Variants in FAM193A observed in about 807,000 individuals in gnomAD.
FAM193A encodes the protein protein FAM193A.
In FAM193A, 22 loss-of-function variants were observed where a neutral mutation model predicts 126.5. The observed-to-expected ratio is 0.17, with a 90% CI of 0.12 to 0.25. The LOEUF is 0.25. Among genes scored for constraint, FAM193A ranks in the 10% least tolerant of loss-of-function variants. The pLI, the probability that FAM193A is intolerant of heterozygous loss-of-function variation, is 1.00. For synonymous variants in FAM193A, 761 were observed against 646.8 expected (o/e 1.18, Z -2.68); for missense variants, 1,675 against 1,672.8 (o/e 1.00, Z -0.02).
chr4:2,564,714 A>G (rs746792539), intron 1 of FAM193A, among the ~76,000 whole-genome samples: 5 of 152,194 alleles, frequency 3.3e-5, no homozygotes, highest in Non-Finnish European at 7.3e-5. Flanking sequence ...CATAGAATCA[A>G]TTCCAGGAGA....
chr4:2,624,306 G>C (rs1355672046), intron 2 of FAM193A, among the ~76,000 whole-genome samples: 1 of 152,072 alleles, frequency 6.6e-6, no homozygotes, highest in African/African-American at 2.4e-5. Context: ...CACCATGCCT[G>C]GCTAATTTTT....
intron 19 of FAM193A, among the ~76,000 whole-genome samples, chr4:2,710,066 C>T (rs1460202903): frequency 6.6e-6 from 1 of 150,552 alleles, no homozygotes; most frequent in African/African-American, 2.4e-5. Flanking sequence ...TGTATTTTTC[C>T]TTTCTCCCTA....
At chr4:2,680,451 C>G (rs181954611) in intron 13 of FAM193A, among the ~76,000 whole-genome samples, 3 of 152,042 alleles carry the variant, frequency 2.0e-5, no homozygotes, top group African/African-American at 7.2e-5. Context: ...CCCCCAATAG[C>G]TGGGATTACA....
chr4:2,617,786 A>G (rs1742301640), intron 2 of FAM193A, among the ~76,000 whole-genome samples: 1 of 152,106 alleles, frequency 6.6e-6, no homozygotes, highest in Non-Finnish European at 1.5e-5. Context: ...TACATGTATT[A>G]TACACCTCAG....
chr4:2,635,657 CAAAT>C lies in FAM193A; in HGVS notation c.1039-4075_1039-4072del, dbSNP rs545482551. 3.3e-5 allele frequency among the ~76,000 whole-genome samples: 5 copies of C among 152,308 alleles called. No homozygotes were observed. In the South Asian group the frequency reaches 1.0e-3, roughly 32 times the overall value. On this transcript the variant is annotated intron_variant, in intron 5 of 20. Coordinates refer to ENST00000637812, the MANE Select transcript of FAM193A (RefSeq NM_001366318.2). ...AAGCGATTCTCCTGCCCCAGCCTCC[CAAAT>C]AACTGGGATTACAGGTGCCTGCCAC... is the stretch of plus-strand genomic sequence containing the variant.
intron 14 of FAM193A, 66 bp from the exon 15 acceptor site, chr4:2,690,632 G>A (rs1165096677): frequency 1.9e-5 from 28 of 1,448,716 alleles, no homozygotes; most frequent in Non-Finnish European, 2.6e-5. Context: ...TCATCAGCAT[G>A]TCTTTTAGGG....
upstream of FAM193A, among the ~76,000 whole-genome samples, chr4:2,536,262 T>A (rs1021905076): frequency 2.0e-5 from 3 of 151,294 alleles, no homozygotes; most frequent in African/African-American, 4.9e-5. Flanking sequence ...CGCGGCCTCC[T>A]GCCGGCCTAG....
intron 4 of FAM193A, 102 bp from the exon 5 acceptor site, chr4:2,630,831 TAG>T: frequency 2.0e-5 from 13 of 649,202 alleles, no homozygotes; most frequent in Admixed American, 1.0e-4. Flanking sequence ...TGTGGTCATC[TAG>T]AGGTGGCCAC....
chr4:2,692,504 C>G (rs1434018833), intron 15 of FAM193A, among the ~76,000 whole-genome samples: 1 of 152,202 alleles, frequency 6.6e-6, no homozygotes, highest in Non-Finnish European at 1.5e-5. Context: ...ACCTAGCAGA[C>G]AGTGCCATGC....
At chr4:2,602,232 A>G (rs1475050426) in intron 2 of FAM193A, among the ~76,000 whole-genome samples, 2 of 151,870 alleles carry the variant, frequency 1.3e-5, no homozygotes, top group African/African-American at 4.8e-5. Context: ...AAAAATTTAG[A>G]GGCCCGAAAG....
intron 12 of FAM193A, among the ~76,000 whole-genome samples, chr4:2,665,770 TC>T (rs1713041531): frequency 1.3e-5 from 2 of 152,340 alleles, no homozygotes; most frequent in African/African-American, 4.8e-5. Context: ...CAAGCCATCC[TC>T]CCATTTCAGC....
intron 9 of FAM193A, 69 bp from the exon 10 acceptor site, chr4:2,659,743 G>T: frequency 5.0e-6 from 8 of 1,613,040 alleles, no homozygotes; most frequent in African/African-American, 1.3e-5. Context: ...GCCTAGAACC[G>T]ACCCTTAGAG....
chr4:2,659,030 C>T (rs112892949), intron 8 of FAM193A, among the ~76,000 whole-genome samples: 2 of 152,302 alleles, frequency 1.3e-5, no homozygotes, highest in African/African-American at 4.8e-5. Context: ...GGATTACAGG[C>T]GTGAGCCACC....
intron 18 of FAM193A, 27 bp from the exon 19 acceptor site, chr4:2,699,653 T>G: frequency 1.3e-6 from 2 of 1,571,616 alleles, no homozygotes; most frequent in Non-Finnish European, 1.7e-6. Context: ...ACTGTAGTCT[T>G]AAATTGCCTT....
At chr4:2,593,432 C>T (rs931890193) in intron 1 of FAM193A, among the ~76,000 whole-genome samples, 11 of 152,220 alleles carry the variant, frequency 7.2e-5, no homozygotes, top group Non-Finnish European at 1.3e-4. Context: ...GGGGTCTCCT[C>T]AAGGAGGCCC....
In FAM193A at chr4:2,703,341, G is replaced by A. The variant is rs1717950780; in HGVS notation, c.4372+2797G>A. Among the ~76,000 whole-genome samples the A allele has an allele frequency of 2.6e-5, 4 of 152,104 alleles. No individual in the cohort carries two copies. The South Asian group carries it at 6.2e-4, about 24-fold the overall frequency. ...GGCTCACTGCATCCTCCACCCCCCA[G>A]GTTGAAGCAATTCTCCCACCTCAGC... On this transcript the variant is annotated intron_variant, in intron 19 of 20. Coordinates refer to ENST00000637812, the MANE Select transcript of FAM193A (RefSeq NM_001366318.2).
chr4:2,721,090 G>T (rs1340069711), intron 20 of FAM193A, among the ~76,000 whole-genome samples: 1 of 152,056 alleles, frequency 6.6e-6, no homozygotes, highest in African/African-American at 2.4e-5. Context: ...GAGGCAGGTG[G>T]ATCACGAGGC....
intron 13 of FAM193A, among the ~76,000 whole-genome samples, chr4:2,681,709 C>T (rs147738006): frequency 6.6e-6 from 1 of 152,184 alleles, no homozygotes; most frequent in Non-Finnish European, 1.5e-5. Flanking sequence ...AGCAGTCCTC[C>T]TGCCTCAGCC....
intron 7 of FAM193A, among the ~76,000 whole-genome samples, chr4:2,655,436 T>TGC (rs145218383): frequency 0.06 from 9,148 of 152,010 alleles, 901 homozygotes; most frequent in African/African-American, 0.21. Context: ...TGTGTGTGTG[T>TGC]GCGTGTGCGC....
Sources: allele counts gnomAD v4.1 joint callset (sites outside exome capture counted in the v4.1 genomes callset), GRCh38; gene constraint gnomAD v4.1.1; transcripts MANE v1.5; gene names NCBI Gene and HGNC (gene_info 2026-07-23, HGNC 2026-07-21).